FBN1: variants seen among roughly 807,000 people sequenced by gnomAD.
FBN1 encodes fibrillin 1.
In FBN1, 29 loss-of-function variants were observed where a neutral mutation model predicts 365.1. The ratio of observed to expected loss-of-function variants is 0.08; its 90% CI spans 0.06 to 0.11. The LOEUF is 0.11. Among genes scored for constraint, FBN1 ranks in the 10% least tolerant of loss-of-function variants. The pLI, the probability that FBN1 is intolerant of heterozygous loss-of-function variation, is 1.00. For missense variants in FBN1, 2,476 were observed against 3,703.2 expected (o/e 0.67, Z 8.60); for synonymous variants, 1,210 against 1,270.5 (o/e 0.95, Z 1.01).
At chr15:48,560,255 G>T (rs1178958448) in intron 6 of FBN1, among the ~76,000 whole-genome samples, 1 of 152,146 alleles carries the variant, frequency 6.6e-6, no homozygotes, top group Non-Finnish European at 1.5e-5. Context: ...GTAGGAGATA[G>T]CAATAAAAAT....
Position 48,434,695 on chromosome 15 carries a change from A to G in FBN1, c.6515T>C (p.Val2172Ala). 6.2e-7 allele frequency: 1 copy of G among 1,613,788 alleles called. No individual in the cohort carries two copies. Among genetic ancestry groups the G allele is most frequent in the Non-Finnish European group, 8.5e-7 (1 of 1,179,754 alleles). ...NECVDTDECS[V>A]GNPCGNGTCK... ...GGTTCCATTTCCACAAGGATTGCCA[A>G]CAGAACATTCATCAGTATCTGCAAG... Residue 2172 changes from valine (V) to alanine (A), a missense_variant, in exon 54 of 66, where the codon GTT becomes GCT. This residue lies in a region of FBN1 where 1,780 missense variants were observed against 2,840.8 expected (regional missense o/e 0.63). Coordinates refer to ENST00000316623, the MANE Select transcript of FBN1 (RefSeq NM_000138.5).
intron 14 of FBN1, among the ~76,000 whole-genome samples, chr15:48,509,172 C>T (rs2043738486): frequency 6.6e-6 from 1 of 151,978 alleles, no homozygotes; most frequent in East Asian, 1.9e-4. Flanking sequence ...CAGAAGATAA[C>T]TTGTAGTTTG....
At chr15:48,554,402 C>T (rs1239938051) in intron 6 of FBN1, among the ~76,000 whole-genome samples, 3 of 152,146 alleles carry the variant, frequency 2.0e-5, no homozygotes, top group African/African-American at 7.2e-5. Flanking sequence ...CTAACAAAGC[C>T]TTCAGTGCAG....
chr15:48,452,658 C>T lies in FBN1; in HGVS notation c.5449G>A (p.Val1817Met), dbSNP rs757901214. ...ATGCATTCGGCGTTGCGCTGGCACA[C>T]TGGGCCGTTCTGACACTCGTCAATA... is the stretch of plus-strand genomic sequence containing the variant. Reference protein sequence around the residue: ...EDIDECQNGPVCQRNAECINT... With the variant: ...EDIDECQNGPMCQRNAECINT... Residue 1817 changes from valine to methionine, a missense_variant, in exon 45 of 66, where the codon GTG becomes ATG. By Grantham distance (21) the Val-to-Met change is conservative. Transcript: ENST00000316623. 41 of 1,614,076 alleles carry T rather than the reference C, an allele frequency of 2.5e-5. No individual in the cohort carries two copies. Among genetic ancestry groups the T allele is most frequent in the Non-Finnish European group, 3.3e-5 (39 of 1,180,016 alleles).
intron 2 of FBN1, among the ~76,000 whole-genome samples, chr15:48,623,929 A>G (rs1195687380): frequency 6.6e-6 from 1 of 150,406 alleles, no homozygotes; most frequent in Admixed American, 6.7e-5. Context: ...TCCCCAACAC[A>G]CACATTCTCT....
chr15:48,643,544 A>T (rs1890236443), intron 2 of FBN1: 1 of 152,160 alleles, frequency 6.6e-6, no homozygotes, highest in Non-Finnish European at 1.5e-5. Flanking sequence ...ACCTCATAAC[A>T]AAAAAAGAGT....
intron 2 of FBN1, chr15:48,643,601 G>A (rs1890237371): frequency 6.6e-6 from 1 of 152,130 alleles, no homozygotes; most frequent in African/African-American, 2.4e-5. Flanking sequence ...ATCACTTGGT[G>A]ACCCAGAGCT....
rs560873106 is a variant in FBN1 at position 48,557,505 on chromosome 15, G to C, written c.539-19697C>G. Among the ~76,000 whole-genome samples the C allele has an allele frequency of 5.3e-5, 8 of 152,302 alleles. No homozygotes were observed. In the East Asian group the frequency reaches 1.5e-3, roughly 29 times the overall value. ...CTGAGGATGGCGTCAAGAAAGCCAG[G>C]TTTAAACCAGGTCAGCCAGAAGGGT... On this transcript the variant is annotated intron_variant, in intron 6 of 65. Coordinates refer to ENST00000316623, the MANE Select transcript of FBN1 (RefSeq NM_000138.5).
At chr15:48,507,338 G>A (rs1303989579) in intron 15 of FBN1, among the ~76,000 whole-genome samples, 1 of 151,840 alleles carries the variant, frequency 6.6e-6, no homozygotes, top group Non-Finnish European at 1.5e-5. Flanking sequence ...GCACAATTTG[G>A]CACTTTGTTT....
intron 6 of FBN1, among the ~76,000 whole-genome samples, chr15:48,595,827 C>A (rs1301217949): frequency 6.6e-6 from 1 of 152,172 alleles, no homozygotes; most frequent in East Asian, 1.9e-4. Context: ...GTGTTGAATG[C>A]TGAGCTTGTA....
chr15:48,614,456 T>A (rs1217793976), intron 2 of FBN1, among the ~76,000 whole-genome samples: 5 of 152,226 alleles, frequency 3.3e-5, no homozygotes, highest in Admixed American at 6.5e-5. Context: ...TACTTCAACA[T>A]CATGCAGGTT....
Position 48,523,714 on chromosome 15 carries a change from G to C in FBN1, c.988+2416C>G, listed in dbSNP as rs956541101. Among the ~76,000 whole-genome samples, 9 of 116,578 alleles carry C rather than the reference G, an allele frequency of 7.7e-5. 1 individual carries two copies. The South Asian group carries it at 8.1e-4, about 11-fold the overall frequency. The allele number at this position is 116,578 out of a possible 152,430, so 76.5% of individuals were successfully genotyped here. ...CAGTGCCACACCAAGGGTGGCTGGG[G>C]GGGGGGGGGAACCGTTGTGGTGGTA... On this transcript the variant is annotated intron_variant, in intron 9 of 65. Transcript: ENST00000316623.
chr15:48,611,815 A>C (rs1566937915), intron 3 of FBN1, among the ~76,000 whole-genome samples: 2 of 152,204 alleles, frequency 1.3e-5, no homozygotes, highest in Non-Finnish European at 2.9e-5. Flanking sequence ...CTTGGTCACT[A>C]CTTTTCGTCA....
chr15:48,642,033 T>C (rs1890206703), intron 2 of FBN1: 1 of 152,208 alleles, frequency 6.6e-6, no homozygotes, highest in Non-Finnish European at 1.5e-5. Context: ...AAAGACTCAA[T>C]GTAATCTAAA....
intron 8 of FBN1, 130 bp from the exon 9 acceptor site, chr15:48,526,385 C>T (rs895178997): frequency 1.5e-5 from 14 of 925,376 alleles, no homozygotes; most frequent in Non-Finnish European, 2.2e-5. Context: ...AAAGTAAAAA[C>T]CGCATGGAGA....
chr15:48,484,301 T>C (rs1405381714), intron 30 of FBN1, among the ~76,000 whole-genome samples: 1 of 152,158 alleles, frequency 6.6e-6, no homozygotes, highest in Non-Finnish European at 1.5e-5. Context: ...GTTTTAGCAA[T>C]ATTTTAAGGT....
intron 43 of FBN1, among the ~76,000 whole-genome samples, chr15:48,458,572 T>C (rs2043258971): frequency 6.6e-6 from 1 of 152,228 alleles, no homozygotes; most frequent in African/African-American, 2.4e-5. Flanking sequence ...CGAAACATCA[T>C]ATTCACATTC....
In FBN1 at chr15:48,470,644, C is replaced by T. The variant is rs764682561; in HGVS notation, c.4449G>A (p.Gly1483=). ...CAGTGGAGGTCTTACCTGTGCAGTT[C>T]CCGCCGCTTCTGTCCAGTTCGTAGC... ...EIGYELDRSG[G]NCTDVNECLD... Residue 1483 remains glycine, a synonymous_variant, in exon 36 of 66, where the codon GGG becomes GGA. Transcript: ENST00000316623. 5 of 1,613,884 alleles carry T rather than the reference C, an allele frequency of 3.1e-6. No individual in the cohort carries two copies. The highest frequency in any genetic ancestry group is 1.1e-5 in the South Asian group (1 of 91,078).
At chr15:48,437,109 A>T (rs2043079052) in intron 52 of FBN1, 32 bp from the exon 53 acceptor site, 5 of 1,442,216 alleles carry the variant, frequency 3.5e-6, no homozygotes, top group Non-Finnish European at 4.9e-6. Context: ...AGTGAATAAC[A>T]AGGTATTTTT....
Sources: gnomAD v4.1 joint callset for allele counts (sites outside exome capture counted in the v4.1 genomes callset) on GRCh38, gnomAD v4.1.1 for gene constraint, gnomAD v4.1.1 regional missense constraint, MANE v1.5 for transcripts, NCBI Gene and HGNC (gene_info 2026-07-23, HGNC 2026-07-21) for gene names.